PPP1R35: variants seen among roughly 807,000 people sequenced by gnomAD.
PPP1R35 encodes protein phosphatase 1 regulatory subunit 35, also known as UPF0683 protein C7orf47.
PPP1R35 carries 23 observed loss-of-function variants against 22.2 expected under a neutral mutation model. The ratio of observed to expected loss-of-function variants is 1.04; its 90% CI spans 0.75 to 1.47. The LOEUF (loss-of-function observed/expected upper bound fraction) is 1.47. PPP1R35 is among the 40% of genes most tolerant of loss of function. PPP1R35 has a pLI of 0.00. For missense variants in PPP1R35, 409 were observed against 349.6 expected, an observed-to-expected ratio of 1.17 and a Z score of -1.36; for synonymous variants, 198 against 165.7, an observed-to-expected ratio of 1.19 and a Z score of -1.50.
Position 100,435,672 on chromosome 7 carries a change from A to G in PPP1R35, c.547T>C (p.Leu183=), listed in dbSNP as rs763565938. Residue 183 remains leucine (L), a synonymous_variant, in exon 3 of 4, where the codon TTG becomes CTG. Coordinates refer to ENST00000292330, the MANE Select transcript of PPP1R35 (RefSeq NM_145030.4). Reference sequence around the variant, plus strand: ...CGAGCCTGTGGCGGCAGGAGAGCCAATTTCTCCCTGAGCGCGGCATTCAGA... The same window carrying G: ...CGAGCCTGTGGCGGCAGGAGAGCCAGTTTCTCCCTGAGCGCGGCATTCAGA... The part of the protein sequence containing the change: ...QVLNAALREK[L]ALLPPQARAP... The G allele has an allele frequency of 5.0e-5, 81 of 1,610,788 alleles. No individual in the cohort carries two copies. Among genetic ancestry groups the G allele is most frequent in the Non-Finnish European group, 6.2e-5 (73 of 1,179,230 alleles).
upstream of PPP1R35, chr7:100,436,546 C>T (rs1798902135): frequency 7.1e-6 from 3 of 419,974 alleles, no homozygotes; most frequent in Admixed American, 4.4e-5. Context: ...ACCCTGTTGT[C>T]GCTCCCAGGC....
chr7:100,435,802 G>T, intron 2 of PPP1R35, 35 bp from the exon 3 acceptor site: 1 of 1,583,060 alleles, frequency 6.3e-7, no homozygotes. Flanking sequence ...TGAGTGGCGC[G>T]CCTCACCCCG....
Position 100,436,197 on chromosome 7 carries a change from G to T in PPP1R35, c.178C>A (p.Pro60Thr). The change falls in exon 1 of 4, where the codon CCC becomes ACC. Residue 60 changes from proline to threonine, a missense_variant. Transcript: ENST00000292330. ...TCCGCCCGCCCCTTCCGCCGCCCGG[G>T]GCTGCCGTGCCGCGGCTGAGGGCTG... ...PDSPQPRHGSPGRRKGRAERR... is the reference protein window; with the variant it reads ...PDSPQPRHGSTGRRKGRAERR... 2 of 1,242,500 alleles carry T rather than the reference G, an allele frequency of 1.6e-6. No individual in the cohort carries two copies. The highest frequency in any genetic ancestry group is 1.0e-6 in the Non-Finnish European group (1 of 995,502). 77.0% of individuals were successfully genotyped at this position (1,242,500 alleles called of 1,614,324 possible). A position where few individuals can be genotyped will look rare whatever the true frequency, so the allele number is the denominator to read the frequency against.
chr7:100,435,604 G>A (rs1554471982), intron 3 of PPP1R35, 27 bp downstream of exon 3: 7 of 1,613,864 alleles, frequency 4.3e-6, no homozygotes, highest in African/African-American at 2.7e-5. Flanking sequence ...GGTACATGGA[G>A]GAAGCCCCAC....
rs1798881091 is a variant in PPP1R35 at position 100,436,138 on chromosome 7, C to T, written c.234+3G>A. The T allele has an allele frequency of 7.8e-7, 1 of 1,287,530 alleles. No individual in the cohort carries two copies. The highest frequency in any genetic ancestry group is 9.8e-7 in the Non-Finnish European group (1 of 1,022,526). 79.8% of individuals were successfully genotyped at this position (1,287,530 alleles called of 1,614,324 possible). A position where few individuals can be genotyped will look rare whatever the true frequency, so the allele number is the denominator to read the frequency against. ...GGGCCGGGGGCCAGCCTCCCCCGCTCACCTGCCGCCGCTGCCGAGCCGCGC... is the reference window on the plus strand; with the variant it reads ...GGGCCGGGGGCCAGCCTCCCCCGCTTACCTGCCGCCGCTGCCGAGCCGCGC... On this transcript the variant is annotated splice_donor_region_variant and intron_variant, in intron 1 of 3. Transcript: ENST00000292330.
Position 100,436,387 on chromosome 7 carries a change from C to A in PPP1R35, c.-13G>T. On this transcript the variant is annotated 5_prime_UTR_variant, in exon 1 of 4. It adds an upstream start codon to the 5' untranslated region. Coordinates refer to ENST00000292330, the MANE Select transcript of PPP1R35 (RefSeq NM_145030.4). ...AACCCATCATCATCTTTGGAGGTGCCTTGAGGGTGCGGGGATGCGGGGGTC... is the reference window on the plus strand; with the variant it reads ...AACCCATCATCATCTTTGGAGGTGCATTGAGGGTGCGGGGATGCGGGGGTC... The A allele has an allele frequency of 6.7e-7, 1 of 1,493,976 alleles. No individual in the cohort carries two copies. Among genetic ancestry groups the A allele is most frequent in the South Asian group, 1.3e-5 (1 of 78,070 alleles). 92.5% of individuals were successfully genotyped at this position (1,493,976 alleles called of 1,614,324 possible). A position where few individuals can be genotyped will look rare whatever the true frequency, so the allele number is the denominator to read the frequency against.
rs1346154864 is a variant in PPP1R35, at chr7:100,436,313, A to G, written c.62T>C (p.Val21Ala). The change falls in exon 1 of 4, where the codon GTC becomes GCC. Residue 21 changes from valine (V) to alanine (A), a missense_variant. By Grantham distance (64) the Val-to-Ala change is moderately conservative. Coordinates refer to ENST00000292330, the MANE Select transcript of PPP1R35 (RefSeq NM_145030.4). ...TTGGGGCTCCGGGGGTGGCCCCGGGACCGCCGCGGCTTCTTCCCCGTCCGC... is the reference window on the plus strand; with the variant it reads ...TTGGGGCTCCGGGGGTGGCCCCGGGGCCGCCGCGGCTTCTTCCCCGTCCGC... ...KSADGEEAAA[V>A]PGPPPEPQVP... 7.2e-7 allele frequency: 1 copy of G among 1,385,856 alleles called. No individual in the cohort carries two copies. The highest frequency in any genetic ancestry group is 1.8e-5 in the South Asian group (1 of 55,264). 85.8% of individuals were successfully genotyped at this position (1,385,856 alleles called of 1,614,324 possible). A position where few individuals can be genotyped will look rare whatever the true frequency, so the allele number is the denominator to read the frequency against.
At position 100,435,917 on chromosome 7, in the gene PPP1R35, T is replaced by C. The variant is rs1338655172; in HGVS notation, c.382A>G (p.Lys128Glu). ...TTTCTCAGCTGTTCCTCCACGGCCT[T>C]CGCAGCATCAAAGTGGCTCCCGGCT... ...AAAGSHFDAA[K>E]AVEEQLRKSF... Residue 128 changes from lysine (K) to glutamate (E), a missense_variant, in exon 2 of 4, where the codon AAG becomes GAG. Lys to Glu is a moderately conservative substitution (Grantham distance 56, BLOSUM62 1). Coordinates refer to ENST00000292330, the MANE Select transcript of PPP1R35 (RefSeq NM_145030.4). 1 of 1,601,492 alleles carries C rather than the reference T, an allele frequency of 6.2e-7. No homozygotes were observed. The highest frequency in any genetic ancestry group is 1.3e-5 in the African/African-American group (1 of 74,968).
Position 100,435,542 on chromosome 7 carries a change from AG to A in PPP1R35, c.589-10del, listed in dbSNP as rs1798847884. ...CCAGGCCCAGGTGGCTCCTGTTGGGAGGTTGGGCCCAAAGCAAGGTTACACT... is the reference window on the plus strand; with the variant it reads ...CCAGGCCCAGGTGGCTCCTGTTGGGAGTTGGGCCCAAAGCAAGGTTACACT... On this transcript the variant is annotated splice_polypyrimidine_tract_variant and intron_variant, in intron 3 of 3. Transcript: ENST00000292330. 1 of 1,613,852 alleles carries A rather than the reference AG, an allele frequency of 6.2e-7. No homozygotes were observed. The highest frequency in any genetic ancestry group is 8.5e-7 in the Non-Finnish European group (1 of 1,179,982).
Position 100,435,851 on chromosome 7 carries a change from C to G in PPP1R35, c.448G>C (p.Glu150Gln). Residue 150 changes from glutamate (E) to glutamine (Q), a missense_variant, in exon 2 of 4, where the codon GAG (glutamate) becomes CAG (glutamine). Glu to Gln is a conservative substitution (Grantham distance 29, BLOSUM62 2). Coordinates refer to ENST00000292330, the MANE Select transcript of PPP1R35 (RefSeq NM_145030.4). The part of the protein sequence containing the change: ...IRCGLEESVS[E>Q]GLNVPRSKRL... Reference sequence around the variant, plus strand: ...GCCGGCCGCCCGCCCCCCTCACCCTCGGACACGCTCTCCTCCAGGCCGCAG... The same window carrying G: ...GCCGGCCGCCCGCCCCCCTCACCCTGGGACACGCTCTCCTCCAGGCCGCAG... 1 of 1,589,308 alleles carries G rather than the reference C, an allele frequency of 6.3e-7. No homozygotes were observed. Among genetic ancestry groups the G allele is most frequent in the African/African-American group, 1.3e-5 (1 of 74,836 alleles).
At position 100,435,370 on chromosome 7, in the gene PPP1R35, C is replaced by A; in HGVS notation, c.752G>T (p.Trp251Leu). 1 of 1,598,488 alleles carries A rather than the reference C, an allele frequency of 6.3e-7. No individual in the cohort carries two copies. Among genetic ancestry groups the A allele is most frequent in the Non-Finnish European group, 8.5e-7 (1 of 1,174,976 alleles). ...TFLMHRTLRR[W>L]EA is the part of the protein sequence containing the mutation. ...AGGGATCTTTGGGGTCTACGCTTCC[C>A]ATCGCCTCAGTGTCCGGTGCATGAG... The change falls in exon 4 of 4, where the codon TGG (tryptophan) becomes TTG (leucine). Residue 251 changes from tryptophan to leucine, a missense_variant. Transcript: ENST00000292330.
In PPP1R35 at chr7:100,436,494, C is replaced by T. The variant is rs1798900549; in HGVS notation, c.-120G>A. On this transcript the variant is annotated 5_prime_UTR_variant, in exon 1 of 4. Transcript: ENST00000292330. Reference sequence around the variant, plus strand: ...CCTCCTAGACGCCGCTACCGGAAACCGTTAACCCTTTCCTTCGGGGGCGGA... The same window carrying T: ...CCTCCTAGACGCCGCTACCGGAAACTGTTAACCCTTTCCTTCGGGGGCGGA... The T allele has an allele frequency of 2.9e-6, 2 of 693,718 alleles. No homozygotes were observed. The highest frequency in any genetic ancestry group is 1.9e-5 in the African/African-American group (1 of 53,216). The allele number at this position is 693,718 out of a possible 1,614,324, so 43.0% of individuals were successfully genotyped here.
Position 100,435,448 on chromosome 7 carries a change from C to T in PPP1R35, c.674G>A (p.Gly225Asp), listed in dbSNP as rs139111530. Residue 225 changes from glycine (G) to aspartate (D), a missense_variant, in exon 4 of 4, where the codon GGT (glycine) becomes GAT (aspartate). Gly to Asp is a moderately conservative substitution (Grantham distance 94). Coordinates refer to ENST00000292330, the MANE Select transcript of PPP1R35 (RefSeq NM_145030.4). ...FYESPHLTLD[G>D]LPPLRLQLRP... ...GAGTTGAAGTCGGAGAGGGGGCAGACCGTCCAGGGTCAGGTGTGGAGATTC... is the reference window on the plus strand; with the variant it reads ...GAGTTGAAGTCGGAGAGGGGGCAGATCGTCCAGGGTCAGGTGTGGAGATTC... The T allele has an allele frequency of 1.2e-6, 2 of 1,613,388 alleles. No homozygotes were observed. Among genetic ancestry groups the T allele is most frequent in the South Asian group, 1.1e-5 (1 of 91,040 alleles).
At chr7:100,436,540 T>C (rs896947265), upstream of PPP1R35, 3 of 428,528 alleles carry the variant, frequency 7.0e-6, no homozygotes, top group South Asian at 1.9e-4. Context: ...CCACCCACCC[T>C]GTTGTCGCTC....
upstream of PPP1R35, chr7:100,436,541 GT>G (rs759024277): frequency 1.9e-5 from 8 of 428,132 alleles, no homozygotes; most frequent in African/African-American, 4.1e-5. Context: ...CACCCACCCT[GT>G]TGTCGCTCCC....
chr7:100,435,418 G>C lies in PPP1R35; in HGVS notation c.704C>G (p.Pro235Arg). Residue 235 changes from proline to arginine, a missense_variant, in exon 4 of 4, where the codon CCC becomes CGC. Transcript: ENST00000292330. ...GLPPLRLQLRPRPSEDTFLMH... is the reference protein window; with the variant it reads ...GLPPLRLQLRRRPSEDTFLMH... ...GAGGAAGGTGTCCTCTGAAGGGCGG[G>C]GCCGGAGTTGAAGTCGGAGAGGGGG... 6.2e-7 allele frequency: 1 copy of C among 1,612,666 alleles called. No homozygotes were observed. The highest frequency in any genetic ancestry group is 8.5e-7 in the Non-Finnish European group (1 of 1,179,662).
chr7:100,436,081 G>A lies in PPP1R35; in HGVS notation c.235-17C>T, dbSNP rs748606746. 3.3e-6 allele frequency: 5 copies of A among 1,524,400 alleles called. No individual in the cohort carries two copies. The highest frequency in any genetic ancestry group is 3.5e-6 in the Non-Finnish European group (4 of 1,142,630). 94.4% of individuals were successfully genotyped at this position (1,524,400 alleles called of 1,614,324 possible). A position where few individuals can be genotyped will look rare whatever the true frequency, so the allele number is the denominator to read the frequency against. On this transcript the variant is annotated splice_polypyrimidine_tract_variant and intron_variant, in intron 1 of 3. Coordinates refer to ENST00000292330, the MANE Select transcript of PPP1R35 (RefSeq NM_145030.4). ...GAAGCGGACCTGGGAGCAGAGGGCA[G>A]GGCAGTGACCAGGTGGGCGCGAGGC...
rs1481491314 is a variant in PPP1R35 at position 100,435,754 on chromosome 7, C to T, written c.465G>A (p.Pro155=). 3 of 1,600,330 alleles carry T rather than the reference C, an allele frequency of 1.9e-6. No homozygotes were observed. Among genetic ancestry groups the T allele is most frequent in the African/African-American group, 2.7e-5 (2 of 74,904 alleles). Residue 155 remains proline (P), a synonymous_variant, in exon 3 of 4, where the codon CCG becomes CCA. Coordinates refer to ENST00000292330, the MANE Select transcript of PPP1R35 (RefSeq NM_145030.4). ...EESVSEGLNV[P]RSKRLFRDLV... ...GGTCCCGGAAGAGCCGCTTGGAGCGCGGCACGTTCAGCCCTGAGAGCGCAG... is the reference window on the plus strand; with the variant it reads ...GGTCCCGGAAGAGCCGCTTGGAGCGTGGCACGTTCAGCCCTGAGAGCGCAG...
rs1333104475 is a variant in PPP1R35, at chr7:100,435,786, C to T, written c.452-19G>A. 2 of 1,590,008 alleles carry T rather than the reference C, an allele frequency of 1.3e-6. No individual in the cohort carries two copies. Among genetic ancestry groups the T allele is most frequent in the East Asian group, 2.3e-5 (1 of 44,206 alleles). On this transcript the variant is annotated intron_variant, in intron 2 of 3. Transcript: ENST00000292330. ...TTCAGCCCTGAGAGCGCAGCGGGGACGGAGGTGAGTGGCGCGCCTCACCCC... is the reference window on the plus strand; with the variant it reads ...TTCAGCCCTGAGAGCGCAGCGGGGATGGAGGTGAGTGGCGCGCCTCACCCC...
Sources: gnomAD v4.1 joint callset for allele counts on GRCh38, gnomAD v4.1.1 for gene constraint, MANE v1.5 for transcripts, NCBI Gene and HGNC (gene_info 2026-07-23, HGNC 2026-07-21) for gene names.